Variants in COPE observed in about 807,000 individuals in gnomAD.
COPE encodes coatomer subunit epsilon.
Under a neutral mutation model 42.1 loss-of-function variants are expected in COPE, and 19 were observed. That is an observed-to-expected ratio of 0.45 (90% CI 0.31 to 0.66). COPE has a LOEUF of 0.66. Among genes scored for constraint, COPE ranks in the 30% least tolerant of loss-of-function variants. COPE has a pLI of 0.05. For synonymous variants in COPE, 195 were observed against 181.3 expected, an observed-to-expected ratio of 1.08 and a Z score of -0.60; for missense variants, 402 against 416.1, an observed-to-expected ratio of 0.97 and a Z score of 0.30.
At chr19:18,900,592 G>A (rs2056689643) in intron 7 of COPE, 143 bp from the exon 8 acceptor site, 4 of 618,600 alleles carry the variant, frequency 6.5e-6, no homozygotes, top group Non-Finnish European at 1.1e-5. Context: ...GCTCTGCAAG[G>A]TGGAGATCTC....
At chr19:18,906,735 T>C (rs1335385663) in intron 4 of COPE, 2 of 511,090 alleles carry the variant, frequency 3.9e-6, no homozygotes, top group Non-Finnish European at 6.8e-6. Context: ...AACAGAGGGT[T>C]GCAGCCTGGG....
chr19:18,908,382 A>G (rs2056779815), intron 3 of COPE, among the ~76,000 whole-genome samples: 1 of 151,890 alleles, frequency 6.6e-6, no homozygotes, highest in South Asian at 2.1e-4. Context: ...AGCTGTGGTC[A>G]CACCTCTGCA....
chr19:18,918,875 T>A (rs2056883832), intron 1 of COPE, among the ~76,000 whole-genome samples: 2 of 152,136 alleles, frequency 1.3e-5, no homozygotes, highest in South Asian at 4.1e-4. Context: ...AACTTTAGGG[T>A]TCTCATCCGT....
chr19:18,900,473 G>T (rs1444550718), intron 7 of COPE, 24 bp from the exon 8 acceptor site: 1 of 1,540,580 alleles, frequency 6.5e-7, no homozygotes, highest in Non-Finnish European at 8.8e-7. Flanking sequence ...CAGACACGGG[G>T]AGGCAGGGTC....
chr19:18,906,582 A>T, intron 4 of COPE: 1 of 189,410 alleles, frequency 5.3e-6, no homozygotes, highest in African/African-American at 2.3e-5. Flanking sequence ...CCCCAACCCC[A>T]GAGGGCCCTG....
intron 7 of COPE, among the ~76,000 whole-genome samples, chr19:18,901,896 C>A (rs1369460508): frequency 6.6e-6 from 1 of 152,130 alleles, no homozygotes; most frequent in Non-Finnish European, 1.5e-5. Context: ...AAATAATAAT[C>A]CAGGCTGGGC....
intron 2 of COPE, 149 bp downstream of exon 2, chr19:18,912,835 C>T (rs555094232): frequency 5.0e-5 from 34 of 683,750 alleles, no homozygotes; most frequent in African/African-American, 4.0e-4. Flanking sequence ...ATGCTGGCTG[C>T]GCTGGCTGTT....
At chr19:18,899,975 G>A in intron 8 of COPE, 28 bp from the exon 9 acceptor site, 2 of 1,600,636 alleles carry the variant, frequency 1.2e-6, no homozygotes, top group Non-Finnish European at 8.5e-7. Context: ...AGGCAGGTGA[G>A]CCGAACACGG....
rs114953948 is a variant in COPE, at chr19:18,909,360, G to A, written c.290+1611C>T. Among the ~76,000 whole-genome samples, 306 of 152,334 alleles carry A rather than the reference G, an allele frequency of 2.0e-3. 3 individuals are homozygous for A. The highest frequency in any genetic ancestry group is 6.8e-3 in the African/African-American group (284 of 41,576). ...TGGAGGCCGTAAGTCTGAAGTCAAG[G>A]TGGCGGCAGGGCTGGCTCCAGCTGG... On this transcript the variant is annotated intron_variant, in intron 3 of 9. Transcript: ENST00000262812.
At chr19:18,913,614 G>A (rs1250103948) in intron 1 of COPE, among the ~76,000 whole-genome samples, 3 of 57,506 alleles carry the variant, frequency 5.2e-5, no homozygotes, top group Non-Finnish European at 9.5e-5. Flanking sequence ...GGCTGGGACC[G>A]CTCTCCAGAA....
intron 1 of COPE, among the ~76,000 whole-genome samples, chr19:18,915,498 G>A (rs981882793): frequency 6.6e-6 from 1 of 152,204 alleles, no homozygotes; most frequent in Non-Finnish European, 1.5e-5. Flanking sequence ...CCATCAGGAC[G>A]CATGTGTGTC....
intron 1 of COPE, among the ~76,000 whole-genome samples, chr19:18,918,282 G>T (rs2056876492): frequency 6.6e-6 from 1 of 151,534 alleles, no homozygotes; most frequent in Admixed American, 6.6e-5. Context: ...ACAACGAAGA[G>T]ACACAGAAGC....
chr19:18,905,309 TCCA>T (rs1277218399), intron 5 of COPE, among the ~76,000 whole-genome samples: 1 of 151,998 alleles, frequency 6.6e-6, no homozygotes, highest in Non-Finnish European at 1.5e-5. Context: ...AGGCACAACC[TCCA>T]CTCTCCCTCC....
At chr19:18,910,787 G>GC (rs1177333364) in intron 3 of COPE, 184 bp downstream of exon 3, 4 of 611,150 alleles carry the variant, frequency 6.5e-6, no homozygotes, top group Admixed American at 2.7e-5. Flanking sequence ...TCCATCACCA[G>GC]CCCCCCACTG....
At chr19:18,902,827 A>AGGAG (rs1390211539) in intron 7 of COPE, among the ~76,000 whole-genome samples, 1 of 146,030 alleles carries the variant, frequency 6.8e-6, no homozygotes, top group East Asian at 2.0e-4. Flanking sequence ...GAAGGAAGGA[A>AGGAG]GAAAAGACTG....
rs778109147 is a variant in COPE at position 18,910,936 on chromosome 19, C to G, written c.290+35G>C. ...AACCAACAGGCCTTGAAGATGGCCC[C>G]GCGCCTCAGGCCAACCCATTCTCTG... On this transcript the variant is annotated intron_variant, in intron 3 of 9. Coordinates refer to ENST00000262812, the MANE Select transcript of COPE (RefSeq NM_007263.4). 4 of 1,593,220 alleles carry G rather than the reference C, an allele frequency of 2.5e-6. No individual in the cohort carries two copies. In the African/African-American group the frequency reaches 5.4e-5, roughly 21 times the overall value.
At position 18,902,782 on chromosome 19, in the gene COPE, AAGGAAGG is replaced by A. The variant is rs1568314926; in HGVS notation, c.735+479_735+485del. On this transcript the variant is annotated intron_variant, in intron 7 of 9. Transcript: ENST00000262812. ...AAGGAAGGAAGGGAAAGAAGGAAGG[AAGGAAGG>A]AAGGAAGGAAGGAAGGAAGGAAGGA... Among the ~76,000 whole-genome samples the A allele has an allele frequency of 6.8e-4, 38 of 56,078 alleles. 7 individuals are homozygous for A. The highest frequency in any genetic ancestry group is 2.7e-3 in the African/African-American group (23 of 8,476). 36.8% of individuals were successfully genotyped at this position (56,078 alleles called of 152,430 possible). A position where few individuals can be genotyped will look rare whatever the true frequency, so the allele number is the denominator to read the frequency against.
rs11537890 is a variant in COPE, at chr19:18,911,033, G to A, written c.228C>T (p.Ser76=). ...FGVVLDEIKP[S]SAPELQAVRM... is the part of the protein sequence containing the mutation. The stretch of plus-strand genomic sequence containing the variant: ...GCACGGCCTGGAGCTCAGGGGCCGA[G>A]GAGGGCTTGATCTCATCCAGGACCA... Residue 76 remains serine (S), a synonymous_variant, in exon 3 of 10, where the codon TCC becomes TCT. Transcript: ENST00000262812. The A allele has an allele frequency of 3.4e-3, 5,434 of 1,613,998 alleles. 90 individuals are homozygous for A. The African/African-American group carries it at 0.045, about 13-fold the overall frequency.
intron 2 of COPE, among the ~76,000 whole-genome samples, chr19:18,911,610 G>A (rs933844298): frequency 1.3e-5 from 2 of 151,582 alleles, no homozygotes; most frequent in Admixed American, 6.6e-5. Flanking sequence ...GGAGTGCAGT[G>A]GCGTGATCTC....
Sources: gnomAD v4.1 joint callset for allele counts (sites outside exome capture counted in the v4.1 genomes callset) on GRCh38, gnomAD v4.1.1 for gene constraint, MANE v1.5 for transcripts, NCBI Gene and HGNC (gene_info 2026-07-23, HGNC 2026-07-21) for gene names.